The following KIZ variants were observed in gnomAD, a reference collection of about 807,000 sequenced individuals.
The protein encoded by KIZ is kizuna centrosomal protein, also known as centrosomal protein kizuna.
Under a neutral mutation model 79.6 loss-of-function variants are expected in KIZ, and 68 were observed. The ratio of observed to expected loss-of-function variants is 0.85; its 90% CI spans 0.70 to 1.05. The LOEUF (loss-of-function observed/expected upper bound fraction) is 1.05. Among genes scored for constraint, KIZ ranks in the 50% least tolerant of loss-of-function variants. The pLI is 0.00. For synonymous variants in KIZ, 280 were observed against 281.8 expected, an observed-to-expected ratio of 0.99 and a Z score of 0.06; for missense variants, 797 against 800.4, an observed-to-expected ratio of 1.00 and a Z score of 0.05.
chr20:21,232,815 G>C lies in KIZ; in HGVS notation c.1865G>C (p.Gly622Ala). 1.3e-6 allele frequency: 2 copies of C among 1,535,372 alleles called. No individual in the cohort carries two copies. Among genetic ancestry groups the C allele is most frequent in the Non-Finnish European group, 1.8e-6 (2 of 1,117,792 alleles). ...GAAGCTAGTTTTTCATCTAGTGAAGGAAGTCCTTTGTCAAGGTAAAGTTGT... is the reference window on the plus strand; with the variant it reads ...GAAGCTAGTTTTTCATCTAGTGAAGCAAGTCCTTTGTCAAGGTAAAGTTGT... The part of the protein sequence containing the change: ...ASEASFSSSE[G>A]SPLSRHENKK... Residue 622 changes from glycine to alanine, a missense_variant, in exon 11 of 13, where the codon GGA (glycine) becomes GCA (alanine). By Grantham distance (60) the Gly-to-Ala change is moderately conservative (BLOSUM62 0). Coordinates refer to ENST00000619189, the MANE Select transcript of KIZ (RefSeq NM_018474.6).
chr20:21,130,121 T>C (rs1163708451), intron 1 of KIZ, among the ~76,000 whole-genome samples: 9 of 152,160 alleles, frequency 5.9e-5, no homozygotes, highest in Non-Finnish European at 7.3e-5. Flanking sequence ...TTCCCCCTGG[T>C]CCAGTGGCTC....
chr20:21,190,099 A>G (rs1369696845), intron 6 of KIZ, among the ~76,000 whole-genome samples: 5 of 152,248 alleles, frequency 3.3e-5, no homozygotes, highest in Admixed American at 1.3e-4. Flanking sequence ...CAGCTGTTCC[A>G]GCCATCGGGT....
At chr20:21,193,843 TG>T (rs1399177896) in intron 6 of KIZ, among the ~76,000 whole-genome samples, 1 of 103,472 alleles carries the variant, frequency 9.7e-6, no homozygotes, top group Non-Finnish European at 1.8e-5. Context: ...CATCACACAC[TG>T]GGGACTGTTG....
intron 9 of KIZ, among the ~76,000 whole-genome samples, chr20:21,227,644 A>G (rs1263060215): frequency 1.3e-5 from 2 of 152,128 alleles, no homozygotes; most frequent in African/African-American, 2.4e-5. Context: ...GTTACCTTAC[A>G]GTATATTTGA....
chr20:21,177,185 T>C (rs1352241051), intron 6 of KIZ, among the ~76,000 whole-genome samples: 3 of 152,196 alleles, frequency 2.0e-5, no homozygotes, highest in Non-Finnish European at 2.9e-5. Context: ...TGTACTGTTT[T>C]CTATTTTACA....
intron 6 of KIZ, among the ~76,000 whole-genome samples, chr20:21,182,799 C>A (rs1428659759): frequency 1.5e-5 from 2 of 133,046 alleles, no homozygotes; most frequent in East Asian, 2.0e-4. Flanking sequence ...TGTCCCCCCA[C>A]CAAAAAAAAA....
chr20:21,239,959 G>A (rs1390020186), intron 11 of KIZ, among the ~76,000 whole-genome samples: 2 of 152,186 alleles, frequency 1.3e-5, no homozygotes, highest in East Asian at 1.9e-4. Flanking sequence ...GCTAGGCAGA[G>A]GGGAGAGATG....
At chr20:21,225,780 A>ACACTCATAACTTTACACTCTT (rs2036635981) in intron 9 of KIZ, among the ~76,000 whole-genome samples, 1 of 152,176 alleles carries the variant, frequency 6.6e-6, no homozygotes, top group Non-Finnish European at 1.5e-5. Context: ...TCATGAAACT[A>ACACTCATAACTTTACACTCTT]GCATCCTGGC....
intron 6 of KIZ, among the ~76,000 whole-genome samples, chr20:21,174,435 A>G (rs1337767193): frequency 6.6e-6 from 1 of 152,146 alleles, no homozygotes; most frequent in African/African-American, 2.4e-5. Context: ...TACTACCTGG[A>G]TAGTTGGAGT....
intron 6 of KIZ, among the ~76,000 whole-genome samples, chr20:21,164,856 G>T (rs559077741): frequency 6.6e-6 from 1 of 152,078 alleles, no homozygotes; most frequent in Admixed American, 6.6e-5. Flanking sequence ...GAATGAAAAT[G>T]TCAGTCAGCA....
At chr20:21,188,503 CT>C (rs2034974674) in intron 6 of KIZ, among the ~76,000 whole-genome samples, 1 of 151,926 alleles carries the variant, frequency 6.6e-6, no homozygotes, top group Non-Finnish European at 1.5e-5. Flanking sequence ...TTGTTTTCTT[CT>C]GTTAACCTGT....
chr20:21,169,011 C>A lies in KIZ; in HGVS notation c.1352+5852C>A, dbSNP rs1242570335. ...GAAAACCTAGGCAATACCATTCAGGCCATAGGCATGGGCAAGGACTTCATG... is the reference window on the plus strand; with the variant it reads ...GAAAACCTAGGCAATACCATTCAGGACATAGGCATGGGCAAGGACTTCATG... On this transcript the variant is annotated intron_variant, in intron 6 of 12. Transcript: ENST00000619189. Among the ~76,000 whole-genome samples the A allele has an allele frequency of 7.9e-5, 12 of 152,106 alleles. 1 individual carries two copies. The highest frequency in any genetic ancestry group is 1.2e-4 in the African/African-American group (5 of 41,510).
At chr20:21,243,628 C>T (rs1040811464) in intron 11 of KIZ, among the ~76,000 whole-genome samples, 32 of 152,172 alleles carry the variant, frequency 2.1e-4, no homozygotes, top group Non-Finnish European at 1.8e-4. Flanking sequence ...AAAAGGCACA[C>T]AGAGAAATCA....
At position 21,214,777 on chromosome 20, in the gene KIZ, A is replaced by G; in HGVS notation, c.1612+77A>G. 4 of 889,590 alleles carry G rather than the reference A, an allele frequency of 4.5e-6. No individual in the cohort carries two copies. The East Asian group carries it at 9.7e-5, about 22-fold the overall frequency. 55.1% of individuals were successfully genotyped at this position (889,590 alleles called of 1,614,324 possible). On this transcript the variant is annotated intron_variant, in intron 8 of 12. Transcript: ENST00000619189. ...ATCATCTTTCTCAAGGTACACCTAT[A>G]GAATATCACTGACTAGTGAATACCT... is the stretch of plus-strand genomic sequence containing the variant.
intron 3 of KIZ, among the ~76,000 whole-genome samples, chr20:21,139,463 A>G (rs1454668746): frequency 6.6e-6 from 1 of 152,178 alleles, no homozygotes; most frequent in East Asian, 1.9e-4. Flanking sequence ...TTAAAGTTCA[A>G]AAAAAGTTGT....
chr20:21,136,663 G>T, intron 3 of KIZ, 111 bp downstream of exon 3: 3 of 700,974 alleles, frequency 4.3e-6, no homozygotes. Flanking sequence ...GAACACCTGG[G>T]CTCAAGCAGT....
intron 4 of KIZ, 61 bp downstream of exon 4, chr20:21,145,715 G>T: frequency 1.6e-6 from 1 of 635,494 alleles, no homozygotes; most frequent in South Asian, 2.6e-5. Context: ...TTTATATCTT[G>T]AGATATTGTT....
At chr20:21,239,467 G>A (rs1403909651) in intron 11 of KIZ, among the ~76,000 whole-genome samples, 4 of 152,162 alleles carry the variant, frequency 2.6e-5, no homozygotes, top group Admixed American at 2.6e-4. Context: ...ACCTCTCTGG[G>A]CTCAACCACT....
At chr20:21,229,356 CCAAGCATGTCATGATAGTGACTTGT>C (rs1309584026) in intron 10 of KIZ, among the ~76,000 whole-genome samples, 2 of 152,322 alleles carry the variant, frequency 1.3e-5, no homozygotes, top group East Asian at 3.9e-4. Flanking sequence ...CTGGATTCTG[CCAAGCATGTCATGATAGTGACTTGT>C]CACCAGTGAC....
Sources: allele counts gnomAD v4.1 joint callset (sites outside exome capture counted in the v4.1 genomes callset), GRCh38; gene constraint gnomAD v4.1.1; transcripts MANE v1.5; gene names NCBI Gene and HGNC (gene_info 2026-07-23, HGNC 2026-07-21).